The following TYR variants were observed in gnomAD, a reference collection of about 807,000 sequenced individuals.
TYR encodes tyrosinase.
In TYR, 58 loss-of-function variants were observed where a neutral mutation model predicts 51.5. The ratio of observed to expected loss-of-function variants is 1.13; its 90% CI spans 0.91 to 1.40. The LOEUF (loss-of-function observed/expected upper bound fraction) is 1.40, where lower values mean the gene tolerates loss of function less well. Among genes scored for constraint, TYR ranks in the 40% most tolerant of loss-of-function variants. The pLI, the probability that TYR is intolerant of heterozygous loss-of-function variation, is 0.00. For missense variants in TYR, 732 were observed against 647.4 expected, an observed-to-expected ratio of 1.13 and a Z score of -1.42; for synonymous variants, 263 against 235.2, an observed-to-expected ratio of 1.12 and a Z score of -1.08.
At chr11:89,232,791 G>C (rs543617615) in intron 3 of TYR, among the ~76,000 whole-genome samples, 1 of 142,748 alleles carries the variant, frequency 7.0e-6, no homozygotes, top group Non-Finnish European at 1.5e-5. Context: ...TGCCTAAAAA[G>C]CAATTTATAT....
chr11:89,265,431 A>T (rs1334572446), intron 3 of TYR, among the ~76,000 whole-genome samples: 2 of 152,046 alleles, frequency 1.3e-5, no homozygotes, highest in Admixed American at 6.6e-5. Context: ...CATAGCTCCT[A>T]TTACCCTTGA....
At chr11:89,257,211 T>A (rs746621945) in intron 3 of TYR, among the ~76,000 whole-genome samples, 1 of 152,086 alleles carries the variant, frequency 6.6e-6, no homozygotes, top group Non-Finnish European at 1.5e-5. Context: ...CAAAGTGGAA[T>A]GTAGTAGGAC....
intron 1 of TYR, among the ~76,000 whole-genome samples, chr11:89,185,228 G>A (rs1056910395): frequency 6.6e-6 from 1 of 152,122 alleles, no homozygotes; most frequent in South Asian, 2.1e-4. Context: ...AATCCACAGG[G>A]TAGTTGTGAG....
chr11:89,178,189 C>T lies in TYR; in HGVS notation c.236C>T (p.Ser79Leu), dbSNP rs544053015. Reference protein sequence around the residue: ...FPFTGVDDRESWPSVFYNRTC... With the variant: ...FPFTGVDDRELWPSVFYNRTC... The stretch of plus-strand genomic sequence containing the variant: ...TTCACAGGGGTGGATGACCGGGAGT[C>T]GTGGCCTTCCGTCTTTTATAATAGG... The change falls in exon 1 of 5, where the codon TCG (serine) becomes TTG (leucine). Residue 79 changes from serine (S) to leucine (L), a missense_variant. By Grantham distance (145) the Ser-to-Leu change is moderately radical. Transcript: ENST00000263321. 7 of 1,614,140 alleles carry T rather than the reference C, an allele frequency of 4.3e-6. No homozygotes were observed. The Admixed American group carries it at 5.0e-5, about 12-fold the overall frequency.
intron 3 of TYR, among the ~76,000 whole-genome samples, chr11:89,245,920 CAAA>C (rs58642362): frequency 7.4e-4 from 106 of 143,264 alleles, no homozygotes; most frequent in African/African-American, 2.6e-3. Context: ...GACTCCATCT[CAAA>C]AAAAAAAAAC....
intron 3 of TYR, among the ~76,000 whole-genome samples, chr11:89,245,431 T>C (rs1287283766): frequency 6.6e-6 from 1 of 152,152 alleles, no homozygotes; most frequent in East Asian, 1.9e-4. Flanking sequence ...AGAAGGAAAG[T>C]GTATATTGGA....
At chr11:89,192,091 T>C in intron 2 of TYR, 1 of 394,702 alleles carries the variant, frequency 2.5e-6, no homozygotes, top group Non-Finnish European at 4.9e-6. Flanking sequence ...CTCCCTCTCA[T>C]TATCCCTTAA....
intron 3 of TYR, among the ~76,000 whole-genome samples, chr11:89,258,473 G>A (rs1211705591): frequency 6.6e-6 from 1 of 151,090 alleles, no homozygotes; most frequent in Admixed American, 6.6e-5. Context: ...GAAATAAGTT[G>A]GGGCTGTTTC....
At chr11:89,260,537 C>T (rs980521665) in intron 3 of TYR, among the ~76,000 whole-genome samples, 1 of 152,056 alleles carries the variant, frequency 6.6e-6, no homozygotes, top group African/African-American at 2.4e-5. Context: ...TGCTGGTAGA[C>T]TTCCTCCAAC....
At chr11:89,255,274 G>A (rs996506531) in intron 3 of TYR, among the ~76,000 whole-genome samples, 2 of 151,752 alleles carry the variant, frequency 1.3e-5, no homozygotes, top group Non-Finnish European at 2.9e-5. Flanking sequence ...CTGATGAATA[G>A]AATGTATATT....
At chr11:89,206,549 A>T (rs909029833) in intron 2 of TYR, among the ~76,000 whole-genome samples, 8 of 152,184 alleles carry the variant, frequency 5.3e-5, no homozygotes, top group Admixed American at 3.3e-4. Flanking sequence ...CAGTTGGAGA[A>T]TTCAATACTG....
chr11:89,284,911 A>C lies in TYR; in HGVS notation c.1323A>C (p.Ser441=). ...ACAGAAATGGTGATTTCTTTATTTCATCCAAAGATCTGGGCTATGACTATA... is the reference window on the plus strand; with the variant it reads ...ACAGAAATGGTGATTTCTTTATTTCCTCCAAAGATCTGGGCTATGACTATA... ...PLYRNGDFFI[S]SKDLGYDYSY... is the part of the protein sequence containing the mutation. Residue 441 remains serine, a synonymous_variant, in exon 4 of 5, where the codon TCA becomes TCC. Transcript: ENST00000263321. 2 of 1,611,732 alleles carry C rather than the reference A, an allele frequency of 1.2e-6. No homozygotes were observed. Among genetic ancestry groups the C allele is most frequent in the Non-Finnish European group, 1.7e-6 (2 of 1,178,446 alleles).
At chr11:89,192,817 G>A (rs916998066) in intron 2 of TYR, among the ~76,000 whole-genome samples, 1 of 152,134 alleles carries the variant, frequency 6.6e-6, no homozygotes, top group African/African-American at 2.4e-5. Flanking sequence ...ATCCCCTGAG[G>A]AAGATTGTAT....
intron 3 of TYR, among the ~76,000 whole-genome samples, chr11:89,274,402 T>C (rs1356366731): frequency 1.3e-5 from 2 of 151,948 alleles, no homozygotes; most frequent in African/African-American, 4.8e-5. Context: ...AGAGACCAAA[T>C]AGCAAATACT....
intron 3 of TYR, among the ~76,000 whole-genome samples, chr11:89,277,382 C>T (rs1004549932): frequency 4.6e-5 from 7 of 151,858 alleles, no homozygotes; most frequent in Admixed American, 2.0e-4. Context: ...GTGATTGTCA[C>T]GTCATCTGTC....
rs555009671 is a variant in TYR, at chr11:89,212,678, G to A, written c.1037-15145G>A. On this transcript the variant is annotated intron_variant, in intron 2 of 4. Coordinates refer to ENST00000263321, the MANE Select transcript of TYR (RefSeq NM_000372.5). ...CAATATCCCTGATGAACATCGATGC[G>A]AAAATCCTCAATAAAATACTGGCAA... is the stretch of plus-strand genomic sequence containing the variant. Among the ~76,000 whole-genome samples, 73 of 152,126 alleles carry A rather than the reference G, an allele frequency of 4.8e-4. 1 individual carries two copies. The highest frequency in any genetic ancestry group is 1.9e-3 in the South Asian group (9 of 4,814).
chr11:89,235,207 G>A lies in TYR; in HGVS notation c.1184+7237G>A, dbSNP rs368444820. ...ATGTTGGAGAGGGTGTGGAGAACACGGAACACATGCACATTTTTGGGTGGG... is the reference window on the plus strand; with the variant it reads ...ATGTTGGAGAGGGTGTGGAGAACACAGAACACATGCACATTTTTGGGTGGG... On this transcript the variant is annotated intron_variant, in intron 3 of 4. Transcript: ENST00000263321. Among the ~76,000 whole-genome samples, 34 of 152,180 alleles carry A rather than the reference G, an allele frequency of 2.2e-4. 1 individual carries two copies. Among genetic ancestry groups the A allele is most frequent in the African/African-American group, 7.7e-4 (32 of 41,536 alleles).
intron 4 of TYR, among the ~76,000 whole-genome samples, chr11:89,293,059 A>G (rs1290314303): frequency 6.6e-6 from 1 of 152,160 alleles, no homozygotes; most frequent in Non-Finnish European, 1.5e-5. Context: ...CCTTTTAGGA[A>G]TTTTACAAAC....
At chr11:89,263,965 G>T (rs959790120) in intron 3 of TYR, among the ~76,000 whole-genome samples, 4 of 152,020 alleles carry the variant, frequency 2.6e-5, no homozygotes, top group African/African-American at 9.7e-5. Flanking sequence ...GTGAGAGGAA[G>T]TTAAAAGATC....
Sources: allele counts gnomAD v4.1 joint callset (sites outside exome capture counted in the v4.1 genomes callset), GRCh38; gene constraint gnomAD v4.1.1; transcripts MANE v1.5; gene names NCBI Gene and HGNC (gene_info 2026-07-23, HGNC 2026-07-21).